KIAA1549: variants seen among roughly 807,000 people sequenced by gnomAD.
KIAA1549 encodes KIAA1549.
In KIAA1549, 70 loss-of-function variants were observed where a neutral mutation model predicts 156.4. The ratio of observed to expected loss-of-function variants is 0.45; its 90% CI spans 0.37 to 0.55. The LOEUF (loss-of-function observed/expected upper bound fraction) is 0.55. Ranked by LOEUF, KIAA1549 falls within the 20% of genes least tolerant of loss-of-function variation. The pLI is 0.00. For missense variants in KIAA1549, 2,428 were observed against 2,540.9 expected (o/e 0.96, Z 0.96); for synonymous variants, 1,103 against 1,066.4 (o/e 1.03, Z -0.67).
chr7:138,897,060 T>G (rs1344817493), intron 9 of KIAA1549, among the ~76,000 whole-genome samples: 10 of 152,132 alleles, frequency 6.6e-5, no homozygotes, highest in Non-Finnish European at 4.4e-5. Context: ...CCCACGTGGT[T>G]TTCGGTACAA....
intron 1 of KIAA1549, among the ~76,000 whole-genome samples, chr7:138,958,215 A>G (rs1813727567): frequency 6.6e-6 from 1 of 151,384 alleles, no homozygotes; most frequent in Admixed American, 6.6e-5. Context: ...CTGCGGGTTC[A>G]GCCTGCCTGG....
intron 1 of KIAA1549, among the ~76,000 whole-genome samples, chr7:138,946,190 C>A (rs188532944): frequency 1.3e-5 from 2 of 152,282 alleles, no homozygotes; most frequent in Admixed American, 1.3e-4. Flanking sequence ...TTCGTTGTTA[C>A]ATTTACTGAG....
At chr7:138,894,090 A>G (rs1811614094) in intron 10 of KIAA1549, among the ~76,000 whole-genome samples, 1 of 152,212 alleles carries the variant, frequency 6.6e-6, no homozygotes, top group Non-Finnish European at 1.5e-5. Flanking sequence ...AAATAAAATC[A>G]TAGTAGAACC....
intron 1 of KIAA1549, among the ~76,000 whole-genome samples, chr7:138,924,989 C>G (rs1812672467): frequency 6.6e-6 from 1 of 152,212 alleles, no homozygotes; most frequent in African/African-American, 2.4e-5. Flanking sequence ...TGACCCGGGC[C>G]TGCCACCCAC....
intron 1 of KIAA1549, among the ~76,000 whole-genome samples, chr7:138,956,998 G>A (rs917388184): frequency 6.6e-6 from 1 of 152,148 alleles, no homozygotes; most frequent in South Asian, 2.1e-4. Context: ...TAATAGGGAC[G>A]CACAGGGGCA....
At chr7:138,931,239 A>C (rs930491526) in intron 1 of KIAA1549, among the ~76,000 whole-genome samples, 1 of 152,200 alleles carries the variant, frequency 6.6e-6, no homozygotes, top group Admixed American at 6.5e-5. Context: ...GAAATGTGAG[A>C]ATTACCAAAT....
intron 1 of KIAA1549, among the ~76,000 whole-genome samples, chr7:138,965,345 G>A (rs73732918): frequency 0.042 from 6,361 of 152,134 alleles, 452 homozygotes; most frequent in African/African-American, 0.15. Flanking sequence ...TGCGTGCCAC[G>A]ATGCCTGACT....
chr7:138,957,709 C>G (rs893010565), intron 1 of KIAA1549, among the ~76,000 whole-genome samples: 1 of 152,006 alleles, frequency 6.6e-6, no homozygotes, highest in Non-Finnish European at 1.5e-5. Context: ...AACTCCTGAC[C>G]GCAGCTGATC....
At chr7:138,842,008 G>T (rs1246423527) in intron 18 of KIAA1549, among the ~76,000 whole-genome samples, 1 of 152,176 alleles carries the variant, frequency 6.6e-6, no homozygotes, top group Non-Finnish European at 1.5e-5. Flanking sequence ...GGAGCACCAG[G>T]TCAGTTACTG....
intron 1 of KIAA1549, among the ~76,000 whole-genome samples, chr7:138,976,356 C>T (rs1172434473): frequency 1.3e-5 from 2 of 152,116 alleles, no homozygotes; most frequent in African/African-American, 2.4e-5. Flanking sequence ...TCACCGCGCC[C>T]GGCCTCAACA....
At chr7:138,890,998 T>G (rs1461542957) in intron 10 of KIAA1549, among the ~76,000 whole-genome samples, 2 of 152,174 alleles carry the variant, frequency 1.3e-5, no homozygotes, top group East Asian at 3.9e-4. Context: ...ATCTCCACCG[T>G]GAAGCTTCAG....
intron 14 of KIAA1549, among the ~76,000 whole-genome samples, chr7:138,869,146 G>A (rs1199332574): frequency 5.9e-5 from 9 of 152,216 alleles, no homozygotes; most frequent in Non-Finnish European, 2.9e-5. Flanking sequence ...AATATTGGAG[G>A]TGACAGAGTG....
At position 138,925,829 on chromosome 7, in the gene KIAA1549, C is replaced by CAAA. The variant is rs59066216; in HGVS notation, c.188-6394_188-6392dup. 2.2e-3 allele frequency among the ~76,000 whole-genome samples: 96 copies of CAAA among 44,582 alleles called. 2 individuals are homozygous for CAAA. The highest frequency in any genetic ancestry group is 2.4e-3 in the East Asian group (3 of 1,230). 29.2% of individuals were successfully genotyped at this position (44,582 alleles called of 152,430 possible). A position where few individuals can be genotyped will look rare whatever the true frequency, so the allele number is the denominator to read the frequency against. On this transcript the variant is annotated intron_variant, in intron 1 of 19. Transcript: ENST00000422774. ...TGGGCAACAGAGCCAGATCCTGTCTCAAAAAAAAAAAAAAAAAAAAAAAAA... is the reference window on the plus strand; with the variant it reads ...TGGGCAACAGAGCCAGATCCTGTCTCAAAAAAAAAAAAAAAAAAAAAAAAAAAA...
intron 12 of KIAA1549, among the ~76,000 whole-genome samples, chr7:138,873,829 G>C (rs534776920): frequency 1.9e-3 from 284 of 151,712 alleles, no homozygotes; most frequent in Admixed American, 4.3e-3. Context: ...GCGGAGGAGA[G>C]GAAATAAGAG....
At chr7:138,845,152 AAAGT>A (rs1246378011) in intron 17 of KIAA1549, among the ~76,000 whole-genome samples, 11 of 152,342 alleles carry the variant, frequency 7.2e-5, no homozygotes, top group African/African-American at 1.7e-4. Context: ...AAATGGAAAA[AAAGT>A]AAGTATTTAT....
intron 14 of KIAA1549, 134 bp from the exon 15 acceptor site, chr7:138,868,262 G>A (rs1810813502): frequency 1.2e-6 from 1 of 803,710 alleles, no homozygotes; most frequent in Non-Finnish European, 2.0e-6. Flanking sequence ...TAAACGCCAT[G>A]TACGAGACAG....
intron 1 of KIAA1549, among the ~76,000 whole-genome samples, chr7:138,960,369 G>A (rs1441929184): frequency 1.4e-5 from 2 of 146,710 alleles, no homozygotes; most frequent in Non-Finnish European, 3.0e-5. Context: ...GAGTGCAGTG[G>A]CACTATCTCG....
chr7:138,954,317 TACTA>T (rs1208032995), intron 1 of KIAA1549, among the ~76,000 whole-genome samples: 1 of 152,090 alleles, frequency 6.6e-6, no homozygotes, highest in Non-Finnish European at 1.5e-5. Flanking sequence ...ATGAGTAAGA[TACTA>T]AAGAAAGAAC....
intron 1 of KIAA1549, among the ~76,000 whole-genome samples, chr7:138,934,790 C>G (rs549042006): frequency 1.2e-4 from 19 of 152,194 alleles, no homozygotes; most frequent in Admixed American, 8.5e-4. Context: ...ACCCTCAAAC[C>G]ATAAGGGGTT....
Sources: allele counts gnomAD v4.1 joint callset (sites outside exome capture counted in the v4.1 genomes callset), GRCh38; gene constraint gnomAD v4.1.1; transcripts MANE v1.5; gene names NCBI Gene and HGNC (gene_info 2026-07-23, HGNC 2026-07-21).